The following PCDHA5 variants were observed in gnomAD, a reference collection of about 807,000 sequenced individuals.
PCDHA5 encodes the protein protocadherin alpha 5, also known as protocadherin alpha-5.
In PCDHA5, 43 loss-of-function variants were observed where a neutral mutation model predicts 61.6. The observed-to-expected ratio is 0.70, with a 90% CI of 0.55 to 0.90. PCDHA5 has a LOEUF of 0.90. PCDHA5 is among the 40% of genes least tolerant of loss of function. PCDHA5 has a pLI of 0.00. For missense variants in PCDHA5, 1,298 were observed against 1,222.7 expected, an observed-to-expected ratio of 1.06 and a Z score of -0.92; for synonymous variants, 627 against 543.9, an observed-to-expected ratio of 1.15 and a Z score of -2.13.
At chr5:140,858,419 G>C (rs2045401110) in intron 1 of PCDHA5, 1 of 1,559,254 alleles carries the variant, frequency 6.4e-7, no homozygotes. Flanking sequence ...GTCTATTGGA[G>C]GGGACCACTC....
chr5:140,870,391 G>C, intron 1 of PCDHA5: 1 of 1,614,230 alleles, frequency 6.2e-7, no homozygotes, highest in Non-Finnish European at 8.5e-7. Flanking sequence ...GCGGGATGGG[G>C]GTTCGCCTTC....
At chr5:140,843,010 G>A (rs1778474215) in intron 1 of PCDHA5, 2 of 1,595,044 alleles carry the variant, frequency 1.3e-6, no homozygotes, top group Non-Finnish European at 1.7e-6. Context: ...ACAACGCGCC[G>A]GCACTGCTGG....
intron 1 of PCDHA5, among the ~76,000 whole-genome samples, chr5:140,924,726 C>T (rs1294650773): frequency 1.3e-5 from 2 of 151,796 alleles, no homozygotes; most frequent in African/African-American, 4.8e-5. Context: ...GAAACCTCAC[C>T]TCTAATAAAA....
At chr5:140,870,338 T>C in intron 1 of PCDHA5, 1 of 1,614,186 alleles carries the variant, frequency 6.2e-7, no homozygotes, top group Non-Finnish European at 8.5e-7. Context: ...GACAGCGCCC[T>C]GGACCGCGAG....
chr5:140,945,246 G>A (rs1257337219), intron 1 of PCDHA5, among the ~76,000 whole-genome samples: 1 of 151,864 alleles, frequency 6.6e-6, no homozygotes, highest in African/African-American at 2.4e-5. Context: ...TTAACCAAGA[G>A]GATGAAAGAC....
chr5:140,849,084 C>T, intron 1 of PCDHA5: 1 of 1,514,880 alleles, frequency 6.6e-7, no homozygotes. Context: ...ACTTGTATTA[C>T]GGAAACTTTT....
intron 1 of PCDHA5, among the ~76,000 whole-genome samples, chr5:140,888,140 G>A (rs2061708866): frequency 1.3e-5 from 2 of 152,080 alleles, no homozygotes; most frequent in Admixed American, 1.3e-4. Context: ...TTTTCTTGCT[G>A]TTTTGCATGA....
chr5:140,880,821 G>A (rs1054552020), intron 1 of PCDHA5, among the ~76,000 whole-genome samples: 4 of 152,206 alleles, frequency 2.6e-5, no homozygotes, highest in African/African-American at 7.2e-5. Flanking sequence ...AGAGTGTCTG[G>A]AAGGGCATAT....
At chr5:140,916,327 A>G (rs1218792272) in intron 1 of PCDHA5, among the ~76,000 whole-genome samples, 5 of 152,226 alleles carry the variant, frequency 3.3e-5, no homozygotes, top group African/African-American at 1.2e-4. Context: ...AGTCCCCTTT[A>G]CTTTTTCCTC....
rs140654699 is a variant in PCDHA5 at position 140,823,279 on chromosome 5, C to G, written c.1504C>G (p.Pro502Ala). The G allele has an allele frequency of 6.2e-7, 1 of 1,612,436 alleles. No homozygotes were observed. Among genetic ancestry groups the G allele is most frequent in the Non-Finnish European group, 8.5e-7 (1 of 1,179,750 alleles). Residue 502 changes from proline (P) to alanine (A), a missense_variant, in exon 1 of 4, where the codon CCG becomes GCG. Pro to Ala is a conservative substitution (Grantham distance 27). Coordinates refer to ENST00000529859, the MANE Select transcript of PCDHA5 (RefSeq NM_018908.3). The stretch of plus-strand genomic sequence containing the variant: ...GGTGGAGCGGCGGGTGGGCGAGCGC[C>G]CGCTGTCGAGTTACGTTTCGGTGCA... ...SLVERRVGER[P>A]LSSYVSVHAE...
Position 140,918,450 on chromosome 5 carries a change from G to A in PCDHA5, c.2353-60499G>A, listed in dbSNP as rs7725108. On this transcript the variant is annotated intron_variant, in intron 1 of 3. Transcript: ENST00000529859. ...TGTTGAATAGGAGTGGTGACAGTGGGCATCCTTGTCTTATTCCAAGTCTCA... is the reference window on the plus strand; with the variant it reads ...TGTTGAATAGGAGTGGTGACAGTGGACATCCTTGTCTTATTCCAAGTCTCA... Among the ~76,000 whole-genome samples, 323 of 152,246 alleles carry A rather than the reference G, an allele frequency of 2.1e-3. 2 individuals carry two copies. The highest frequency in any genetic ancestry group is 7.4e-3 in the African/African-American group (306 of 41,540).
intron 3 of PCDHA5, among the ~76,000 whole-genome samples, chr5:140,992,501 A>G (rs1437736734): frequency 6.6e-6 from 1 of 152,206 alleles, no homozygotes. Context: ...TAAGGATTCA[A>G]TCCTGGGGCA....
chr5:140,857,226 C>G, intron 1 of PCDHA5: 2 of 1,598,494 alleles, frequency 1.3e-6, no homozygotes, highest in Non-Finnish European at 1.7e-6. Context: ...CCTCACGTTC[C>G]GTTCAAGCTG....
chr5:140,920,029 T>C (rs1584162393), intron 1 of PCDHA5, among the ~76,000 whole-genome samples: 1 of 152,118 alleles, frequency 6.6e-6, no homozygotes, highest in African/African-American at 2.4e-5. Flanking sequence ...GAGACAGAGA[T>C]TGGAGTGATG....
intron 1 of PCDHA5, chr5:140,871,068 G>GC (rs782196824): frequency 1.2e-6 from 2 of 1,613,112 alleles, no homozygotes; most frequent in African/African-American, 2.7e-5. Flanking sequence ...ATCACGGTGA[G>GC]CCGGCGCTGA....
At chr5:140,869,772 T>A (rs1554163433) in intron 1 of PCDHA5, 1 of 1,613,190 alleles carries the variant, frequency 6.2e-7, no homozygotes, top group Non-Finnish European at 8.5e-7. Context: ...CAGAGCTTAC[T>A]GGCACCGTTC....
At chr5:141,008,837 C>T (rs1460664317) in intron 3 of PCDHA5, among the ~76,000 whole-genome samples, 10 of 152,178 alleles carry the variant, frequency 6.6e-5, no homozygotes, top group South Asian at 2.1e-4. Flanking sequence ...CATCCTCTTA[C>T]GCTGTGTATT....
chr5:140,847,503 C>G lies in PCDHA5; in HGVS notation c.2352+23376C>G, dbSNP rs1445726989. 5 of 149,698 alleles carry G rather than the reference C, an allele frequency of 3.3e-5. 1 individual carries two copies. Among genetic ancestry groups the G allele is most frequent in the Non-Finnish European group, 7.5e-5 (5 of 66,942 alleles). The allele number at this position is 149,698 out of a possible 1,614,324, so 9.3% of individuals were successfully genotyped here. Reference sequence around the variant, plus strand: ...TAAGATAGTAAAACTCACAACAAAACTTTGTAGAACTTAGTCAGGAAAAGA... The same window carrying G: ...TAAGATAGTAAAACTCACAACAAAAGTTTGTAGAACTTAGTCAGGAAAAGA... On this transcript the variant is annotated intron_variant, in intron 1 of 3. Transcript: ENST00000529859.
intron 1 of PCDHA5, among the ~76,000 whole-genome samples, chr5:140,832,806 T>C (rs1420120359): frequency 2.0e-5 from 3 of 152,174 alleles, no homozygotes; most frequent in Non-Finnish European, 2.9e-5. Context: ...GTTATTGGAA[T>C]TGGAAAAAAA....
Sources: allele counts gnomAD v4.1 joint callset (sites outside exome capture counted in the v4.1 genomes callset), GRCh38; gene constraint gnomAD v4.1.1; transcripts MANE v1.5; gene names NCBI Gene and HGNC (gene_info 2026-07-23, HGNC 2026-07-21).